The following MCTP1 variants were observed in gnomAD, a reference collection of about 807,000 sequenced individuals.
MCTP1 encodes the protein multiple C2 and transmembrane domain-containing protein 1.
MCTP1 carries 69 observed loss-of-function variants against 120.6 expected under a neutral mutation model. That is an observed-to-expected ratio of 0.57 (90% confidence interval 0.47 to 0.70). The LOEUF (loss-of-function observed/expected upper bound fraction) is 0.70. Among genes scored for constraint, MCTP1 ranks in the 30% least tolerant of loss-of-function variants. The pLI, the probability that MCTP1 is intolerant of heterozygous loss-of-function variation, is 0.00. For missense variants in MCTP1, 1,203 were observed against 1,248.8 expected (o/e 0.96, Z 0.55); for synonymous variants, 529 against 493.1 (o/e 1.07, Z -0.96).
chr5:95,260,528 G>A (rs1036722500), intron 1 of MCTP1, among the ~76,000 whole-genome samples: 5 of 152,050 alleles, frequency 3.3e-5, no homozygotes, highest in Non-Finnish European at 7.4e-5. Context: ...TGGAGCCCAG[G>A]CTATTGATTC....
At chr5:94,938,522 T>C (rs1418998702) in intron 5 of MCTP1, among the ~76,000 whole-genome samples, 1 of 152,062 alleles carries the variant, frequency 6.6e-6, no homozygotes, top group Non-Finnish European at 1.5e-5. Flanking sequence ...AGGTCTTATT[T>C]GGCTTCCTTA....
At chr5:94,936,887 T>TC (rs1264215174) in intron 5 of MCTP1, among the ~76,000 whole-genome samples, 1 of 151,998 alleles carries the variant, frequency 6.6e-6, no homozygotes, top group Non-Finnish European at 1.5e-5. Context: ...GGAATCTTTC[T>TC]CCCCTCCCTC....
intron 17 of MCTP1, among the ~76,000 whole-genome samples, chr5:94,822,215 C>T (rs1009070991): frequency 2.6e-5 from 4 of 152,098 alleles, no homozygotes; most frequent in African/African-American, 9.7e-5. Context: ...CTCCTTGTCC[C>T]CCACCCTCAA....
At chr5:95,201,556 G>A (rs1751056088) in intron 1 of MCTP1, among the ~76,000 whole-genome samples, 1 of 115,578 alleles carries the variant, frequency 8.7e-6, no homozygotes, top group Admixed American at 1.3e-4. Flanking sequence ...CCAGGCTGGA[G>A]CACATTGGTG....
intron 18 of MCTP1, chr5:94,789,068 CA>C (rs1207296490): frequency 6.6e-6 from 1 of 152,218 alleles, no homozygotes; most frequent in African/African-American, 2.4e-5. Context: ...GCACTAATTT[CA>C]GATTTCCTTC....
intron 19 of MCTP1, among the ~76,000 whole-genome samples, chr5:94,715,363 C>CAAAAAAAAAA (rs35567390): frequency 4.3e-5 from 3 of 70,526 alleles, no homozygotes; most frequent in African/African-American, 1.1e-4. Context: ...ATGAAAACTA[C>CAAAAAAAAAA]AAAAAAAAAA....
chr5:94,714,479 T>G (rs868098057), intron 20 of MCTP1, among the ~76,000 whole-genome samples: 61 of 152,180 alleles, frequency 4.0e-4, no homozygotes, highest in South Asian at 6.2e-4. Context: ...CATATTCCAT[T>G]TAAGAACAAA....
rs757605790 is a variant in MCTP1, at chr5:94,704,277, C to A, written c.*3219G>T. The stretch of plus-strand genomic sequence containing the variant: ...TTAAGCAAGTATTAATTTAGCAATA[C>A]CTGAGACGTTTTTCAAGAAGTATAA... On this transcript the variant is annotated 3_prime_UTR_variant, in exon 23 of 23. Coordinates refer to ENST00000515393, the MANE Select transcript of MCTP1 (RefSeq NM_024717.7). 3.3e-5 allele frequency: 5 copies of A among 151,500 alleles called. No individual in the cohort carries two copies. The highest frequency in any genetic ancestry group is 5.9e-5 in the Non-Finnish European group (4 of 67,648). 9.4% of individuals were successfully genotyped at this position (151,500 alleles called of 1,614,324 possible).
At chr5:95,021,175 G>A (rs1356971769) in intron 1 of MCTP1, among the ~76,000 whole-genome samples, 1 of 151,984 alleles carries the variant, frequency 6.6e-6, no homozygotes, top group Non-Finnish European at 1.5e-5. Context: ...TGTAAAGTGG[G>A]ACTAAACTAA....
At chr5:95,108,590 A>C (rs1466509272) in intron 1 of MCTP1, among the ~76,000 whole-genome samples, 2 of 152,234 alleles carry the variant, frequency 1.3e-5, no homozygotes, top group African/African-American at 2.4e-5. Context: ...GCACCCTTCA[A>C]GTCAAATCAA....
chr5:94,965,554 A>G (rs1825383406), intron 2 of MCTP1, among the ~76,000 whole-genome samples: 1 of 152,072 alleles, frequency 6.6e-6, no homozygotes, highest in Non-Finnish European at 1.5e-5. Flanking sequence ...GTGACTGGAC[A>G]AGGGGTGTAA....
At chr5:94,963,358 T>TTA (rs1561935472) in intron 2 of MCTP1, among the ~76,000 whole-genome samples, 7 of 94,950 alleles carry the variant, frequency 7.4e-5, no homozygotes, top group African/African-American at 3.1e-4. Context: ...AATTCTATTT[T>TTA]TTTTTTTTTT....
chr5:94,770,222 C>T (rs1276057251), intron 19 of MCTP1, among the ~76,000 whole-genome samples: 6 of 152,122 alleles, frequency 3.9e-5, no homozygotes, highest in African/African-American at 1.4e-4. Context: ...TGGTGTCAGC[C>T]GTGTCAACGA....
intron 17 of MCTP1, among the ~76,000 whole-genome samples, chr5:94,834,148 T>C (rs1789168615): frequency 6.6e-6 from 1 of 152,182 alleles, no homozygotes; most frequent in African/African-American, 2.4e-5. Context: ...TGTGACAAGT[T>C]TGTAAAAGTA....
At chr5:95,093,225 C>G (rs1245054280) in intron 1 of MCTP1, among the ~76,000 whole-genome samples, 3 of 152,056 alleles carry the variant, frequency 2.0e-5, no homozygotes, top group African/African-American at 7.2e-5. Context: ...CAAAGGCTGA[C>G]TCAAAGGGCC....
intron 19 of MCTP1, among the ~76,000 whole-genome samples, chr5:94,744,254 G>A (rs771621830): frequency 6.6e-6 from 1 of 152,238 alleles, no homozygotes; most frequent in Non-Finnish European, 1.5e-5. Context: ...GATTATAGGC[G>A]TGAGCCGTTG....
intron 17 of MCTP1, among the ~76,000 whole-genome samples, chr5:94,842,049 C>A (rs1791163946): frequency 1.3e-5 from 2 of 152,232 alleles, no homozygotes; most frequent in South Asian, 4.1e-4. Context: ...CCCCACCACA[C>A]ACCAGGGGAT....
intron 1 of MCTP1, among the ~76,000 whole-genome samples, chr5:95,206,080 T>G (rs1431675269): frequency 6.6e-6 from 1 of 152,092 alleles, no homozygotes; most frequent in Non-Finnish European, 1.5e-5. Flanking sequence ...TGAACACAAT[T>G]GTTCATAGTA....
intron 1 of MCTP1, among the ~76,000 whole-genome samples, chr5:95,071,633 G>A (rs572726360): frequency 3.3e-5 from 5 of 152,244 alleles, no homozygotes; most frequent in Admixed American, 6.5e-5. Flanking sequence ...GGGGGCACAA[G>A]CTCTTAAAAA....
Sources: allele counts gnomAD v4.1 joint callset (sites outside exome capture counted in the v4.1 genomes callset), GRCh38; gene constraint gnomAD v4.1.1; transcripts MANE v1.5; gene names NCBI Gene and HGNC (gene_info 2026-07-23, HGNC 2026-07-21).